The following ROBO1 variants were observed in gnomAD, a reference collection of about 807,000 sequenced individuals.
The protein encoded by ROBO1 is roundabout guidance receptor 1, also known as roundabout homolog 1.
ROBO1 carries 149 observed loss-of-function variants against 195.9 expected under a neutral mutation model. The ratio of observed to expected loss-of-function variants is 0.76; its 90% CI spans 0.67 to 0.87. ROBO1 has a LOEUF of 0.87. Among genes scored for constraint, ROBO1 ranks in the 40% least tolerant of loss-of-function variants. ROBO1 has a pLI of 0.00. For synonymous variants in ROBO1, 816 were observed against 733.2 expected, an observed-to-expected ratio of 1.11 and a Z score of -1.82; for missense variants, 1,933 against 2,068.3, an observed-to-expected ratio of 0.93 and a Z score of 1.27.
At chr3:78,624,014 C>A (rs1704608192) in intron 26 of ROBO1, among the ~76,000 whole-genome samples, 1 of 151,700 alleles carries the variant, frequency 6.6e-6, no homozygotes, top group Admixed American at 6.6e-5. Context: ...TATATAGTAT[C>A]AAAAAAGGTA....
chr3:79,259,506 G>T, intron 2 of ROBO1, among the ~76,000 whole-genome samples: 1 of 152,048 alleles, frequency 6.6e-6, no homozygotes, highest in Non-Finnish European at 1.5e-5. Context: ...CCATCCCATT[G>T]TGCTATCAAA....
At chr3:78,711,421 T>A (rs2081730607) in intron 8 of ROBO1, among the ~76,000 whole-genome samples, 1 of 110,124 alleles carries the variant, frequency 9.1e-6, no homozygotes, top group Non-Finnish European at 1.8e-5. Context: ...CTTTCTTTCT[T>A]TCTTTCTTTC....
intron 4 of ROBO1, among the ~76,000 whole-genome samples, chr3:78,893,820 T>C (rs1046497119): frequency 4.6e-5 from 7 of 152,306 alleles, no homozygotes; most frequent in Admixed American, 2.0e-4. Context: ...GATTTTCCTC[T>C]AGGATCTGGT....
At position 79,754,262 on chromosome 3, in the gene ROBO1, A is replaced by G. The variant is rs190452736; in HGVS notation, c.-51+13490T>C. On this transcript the variant is annotated intron_variant, in intron 1 of 30. Transcript: ENST00000464233. ...ATTATATAAGCATATTTTATATGCA[A>G]TGTTAGAAGTGGACAGGAAAGCAGA... 6.1e-4 allele frequency among the ~76,000 whole-genome samples: 93 copies of G among 152,326 alleles called. 2 individuals carry two copies. In the East Asian group the frequency reaches 0.015, roughly 25 times the overall value.
At chr3:79,341,439 A>C (rs2034900439) in intron 2 of ROBO1, among the ~76,000 whole-genome samples, 1 of 151,950 alleles carries the variant, frequency 6.6e-6, no homozygotes, top group Non-Finnish European at 1.5e-5. Flanking sequence ...CATCACATTC[A>C]TTTCACATCT....
intron 1 of ROBO1, among the ~76,000 whole-genome samples, chr3:79,669,676 C>T (rs764894807): frequency 1.4e-4 from 22 of 151,768 alleles, no homozygotes; most frequent in Non-Finnish European, 2.2e-4. Context: ...GAATATATCT[C>T]CATCTGTAGT....
At chr3:79,581,826 C>T in intron 2 of ROBO1, among the ~76,000 whole-genome samples, 1 of 151,902 alleles carries the variant, frequency 6.6e-6, no homozygotes, top group East Asian at 1.9e-4. Flanking sequence ...TAAACAAATA[C>T]AGGGTACAAA....
intron 2 of ROBO1, among the ~76,000 whole-genome samples, chr3:79,440,559 T>C (rs943305154): frequency 3.9e-5 from 6 of 152,262 alleles, no homozygotes; most frequent in South Asian, 4.1e-4. Context: ...AGGATAGTCC[T>C]TGTCCTCAAA....
At chr3:78,651,501 T>C (rs1331603400) in intron 19 of ROBO1, among the ~76,000 whole-genome samples, 1 of 152,128 alleles carries the variant, frequency 6.6e-6, no homozygotes, top group Non-Finnish European at 1.5e-5. Context: ...CTTGGTGAAA[T>C]CTATTTTAAA....
intron 3 of ROBO1, among the ~76,000 whole-genome samples, chr3:79,087,578 CCTT>C (rs750606422): frequency 7.9e-5 from 12 of 151,740 alleles, no homozygotes; most frequent in South Asian, 2.1e-4. Flanking sequence ...TTTGTTCCTT[CCTT>C]CTTTTCTTCC....
intron 1 of ROBO1, among the ~76,000 whole-genome samples, chr3:79,755,785 G>C (rs2107497456): frequency 6.6e-6 from 1 of 152,284 alleles, no homozygotes; most frequent in Non-Finnish European, 1.5e-5. Context: ...GTCAGAAAGG[G>C]AGCAGATGCT....
intron 2 of ROBO1, among the ~76,000 whole-genome samples, chr3:79,481,754 C>A (rs1938872621): frequency 6.6e-6 from 1 of 152,114 alleles, no homozygotes; most frequent in African/African-American, 2.4e-5. Context: ...TGCTTTTAAT[C>A]TTAGAGAAGC....
At chr3:79,308,084 C>A (rs137938200) in intron 2 of ROBO1, among the ~76,000 whole-genome samples, 1,608 of 152,206 alleles carry the variant, frequency 0.011, 17 homozygotes, top group Non-Finnish European at 0.015. Context: ...ATCTTTATAT[C>A]AGGTTACAAG....
chr3:78,634,487 C>T (rs909292483), intron 23 of ROBO1: 1 of 367,042 alleles, frequency 2.7e-6, no homozygotes, highest in Admixed American at 2.6e-5. Flanking sequence ...CAGTAATAAT[C>T]TGTCGTCTAG....
chr3:78,648,700 G>T (rs1054655676), intron 19 of ROBO1, among the ~76,000 whole-genome samples: 5 of 149,960 alleles, frequency 3.3e-5, no homozygotes, highest in Admixed American at 1.3e-4. Context: ...AAAAAAGCAA[G>T]GAAATATATG....
intron 3 of ROBO1, among the ~76,000 whole-genome samples, chr3:79,032,719 A>C (rs986859553): frequency 1.3e-5 from 2 of 152,082 alleles, no homozygotes; most frequent in African/African-American, 4.8e-5. Context: ...CACTATAGTC[A>C]TAATAAATTA....
At chr3:78,787,107 TAGG>T (rs977915403) in intron 4 of ROBO1, among the ~76,000 whole-genome samples, 2 of 152,180 alleles carry the variant, frequency 1.3e-5, no homozygotes, top group African/African-American at 4.8e-5. Flanking sequence ...TACGCTAGTG[TAGG>T]ACCTGAGAAT....
chr3:79,655,668 C>A (rs566614103), intron 1 of ROBO1, among the ~76,000 whole-genome samples: 1 of 152,008 alleles, frequency 6.6e-6, no homozygotes, highest in African/African-American at 2.4e-5. Flanking sequence ...AAGAGAATAG[C>A]AAAGCTAATT....
chr3:78,638,538 A>T (rs2107549801), intron 22 of ROBO1, among the ~76,000 whole-genome samples: 1 of 152,212 alleles, frequency 6.6e-6, no homozygotes. Flanking sequence ...CAAAATCTCA[A>T]AAATGATTAA....
Sources: allele counts gnomAD v4.1 joint callset (sites outside exome capture counted in the v4.1 genomes callset), GRCh38; gene constraint gnomAD v4.1.1; transcripts MANE v1.5; gene names NCBI Gene and HGNC (gene_info 2026-07-23, HGNC 2026-07-21).